Variants in CENPK observed in about 807,000 individuals in gnomAD.
The protein encoded by CENPK is centromere protein K, also known as SoxLZ/Sox6-binding protein Solt.
A neutral mutation model predicts 40.9 loss-of-function variants in CENPK; 46 were observed. That is an observed-to-expected ratio of 1.13 (90% CI 0.89 to 1.44). The LOEUF is 1.44. CENPK is among the 40% of genes most tolerant of loss of function. The pLI is 0.00. For missense variants in CENPK, 288 were observed against 303.5 expected (o/e 0.95, Z 0.38); for synonymous variants, 107 against 104.4 (o/e 1.02, Z -0.15).
At chr5:65,523,214 C>A (rs1451967044) in intron 9 of CENPK, among the ~76,000 whole-genome samples, 2 of 152,154 alleles carry the variant, frequency 1.3e-5, no homozygotes, top group African/African-American at 2.4e-5. Context: ...ACTTTCACAT[C>A]ATTTGTAAAC....
At chr5:65,499,664 TTA>T in the CENPK span, among the ~76,000 whole-genome samples, 60 of 98,032 alleles carry the variant, frequency 6.1e-4, no homozygotes, top group African/African-American at 2.5e-3. Context: ...TTTTTTTTTT[TTA>T]ATTTTTTTTT....
At chr5:65,502,113 T>G in the CENPK span, among the ~76,000 whole-genome samples, 1 of 152,130 alleles carries the variant, frequency 6.6e-6, no homozygotes, top group African/African-American at 2.4e-5. Context: ...CTTTTGGCCT[T>G]TTTGGACAGG....
At chr5:65,554,139 A>ATTATT (rs1374145484) in intron 3 of CENPK, among the ~76,000 whole-genome samples, 8 of 148,416 alleles carry the variant, frequency 5.4e-5, no homozygotes, top group Non-Finnish European at 8.9e-5. Flanking sequence ...GAAACCAGTA[A>ATTATT]TTATTTTTTT....
chr5:65,559,628 CAGAA>C (rs1581117434), intron 2 of CENPK, among the ~76,000 whole-genome samples: 3 of 55,702 alleles, frequency 5.4e-5, no homozygotes, highest in African/African-American at 8.3e-5. Flanking sequence ...GACTCCGTCT[CAGAA>C]AAAAAAAAAA....
In CENPK at chr5:65,542,811, T is replaced by C; in HGVS notation, c.279A>G (p.Gly93=). 1.2e-6 allele frequency: 2 copies of C among 1,609,534 alleles called. No individual in the cohort carries two copies. Among genetic ancestry groups the C allele is most frequent in the Non-Finnish European group, 1.7e-6 (2 of 1,178,080 alleles). ...PLTEDVLITL[G]KEEFQKLRQD... is the part of the protein sequence containing the mutation. Reference sequence around the variant, plus strand: ...TCATTGAGTGGCTTACCTCTTCTTTTCCTAATGTTATGAGAACGTCTTCAG... The same window carrying C: ...TCATTGAGTGGCTTACCTCTTCTTTCCCTAATGTTATGAGAACGTCTTCAG... Residue 93 remains glycine (G), a synonymous_variant, in exon 6 of 11, where the codon GGA becomes GGG. Coordinates refer to ENST00000396679, the MANE Select transcript of CENPK (RefSeq NM_022145.5).
intron 2 of CENPK, 141 bp downstream of exon 2, chr5:65,561,322 T>C (rs1436102899): frequency 4.1e-6 from 1 of 242,628 alleles, no homozygotes; most frequent in Non-Finnish European, 8.8e-6. Context: ...ACATTATCAA[T>C]ATGCAAAAGT....
intron 6 of CENPK, among the ~76,000 whole-genome samples, chr5:65,536,747 TATA>T (rs1309529314): frequency 6.6e-6 from 1 of 152,226 alleles, no homozygotes; most frequent in African/African-American, 2.4e-5. Flanking sequence ...TTCTGCAACT[TATA>T]ATGGTAAAAT....
At chr5:65,550,475 C>A (rs542928674) in intron 5 of CENPK, 1 of 152,292 alleles carries the variant, frequency 6.6e-6, no homozygotes, top group South Asian at 2.1e-4. Flanking sequence ...AGTCAGAATA[C>A]ACACAACATT....
chr5:65,521,297 T>C (rs548949217), intron 10 of CENPK, among the ~76,000 whole-genome samples, 178 bp downstream of exon 10: 36 of 152,202 alleles, frequency 2.4e-4, no homozygotes, highest in Non-Finnish European at 2.6e-4. Flanking sequence ...CTCTCAGTAC[T>C]GTACAGGGAA....
chr5:65,513,263 G>A (rs1441251238), downstream of CENPK, among the ~76,000 whole-genome samples: 2 of 152,108 alleles, frequency 1.3e-5, no homozygotes, highest in African/African-American at 4.8e-5. Flanking sequence ...CTCTAACTTT[G>A]TTCTTCTTAA....
intron 10 of CENPK, among the ~76,000 whole-genome samples, chr5:65,519,340 A>G (rs1312389806): frequency 6.6e-6 from 1 of 152,222 alleles, no homozygotes; most frequent in African/African-American, 2.4e-5. Flanking sequence ...CTGCTATTAT[A>G]AAAGTTTTTT....
chr5:65,545,366 ACACACACACACACACG>A (rs1748732132), intron 5 of CENPK, among the ~76,000 whole-genome samples: 2 of 115,070 alleles, frequency 1.7e-5, no homozygotes, highest in African/African-American at 5.8e-5. Flanking sequence ...ACACACACAC[ACACACACACACACACG>A]CCTTCTCTAT....
At chr5:65,514,507 C>A (rs144678539), downstream of CENPK, among the ~76,000 whole-genome samples, 1 of 152,046 alleles carries the variant, frequency 6.6e-6, no homozygotes, top group African/African-American at 2.4e-5. Context: ...CCTCGTGATC[C>A]GCCCACCTCA....
intron 5 of CENPK, among the ~76,000 whole-genome samples, chr5:65,545,552 A>G (rs1034642754): frequency 1.3e-5 from 2 of 152,224 alleles, no homozygotes; most frequent in African/African-American, 4.8e-5. Flanking sequence ...ATTCTCAGAT[A>G]AAGAAAAACT....
the CENPK span, among the ~76,000 whole-genome samples, chr5:65,504,457 C>CA: frequency 0.2 from 20,316 of 99,920 alleles, 2,454 homozygotes; most frequent in South Asian, 0.33. Context: ...AATTCCGTAT[C>CA]AAAAAAAAAA....
downstream of CENPK, chr5:65,517,762 T>A (rs1172639928): frequency 3.3e-5 from 5 of 152,078 alleles, no homozygotes; most frequent in East Asian, 9.6e-4. Context: ...ACATCACTAA[T>A]AGCTAGAGAT....
chr5:65,551,294 C>T (rs576808650), intron 5 of CENPK: 3 of 353,868 alleles, frequency 8.5e-6, no homozygotes, highest in East Asian at 6.6e-5. Context: ...CCATTTCTAG[C>T]GAGCATAAGG....
chr5:65,496,773 G>A, the CENPK span, among the ~76,000 whole-genome samples: 1 of 151,948 alleles, frequency 6.6e-6, no homozygotes, highest in Non-Finnish European at 1.5e-5. Context: ...AAATAAAAAG[G>A]CTGGGTGCGA....
intron 2 of CENPK, among the ~76,000 whole-genome samples, chr5:65,559,441 AAAAGGGTG>A (rs1452303974): frequency 6.6e-6 from 1 of 151,846 alleles, no homozygotes; most frequent in Non-Finnish European, 1.5e-5. Context: ...CATCCCGGCT[AAAAGGGTG>A]AAACCCCGTC....
Sources: gnomAD v4.1 joint callset for allele counts (sites outside exome capture counted in the v4.1 genomes callset) on GRCh38, gnomAD v4.1.1 for gene constraint, MANE v1.5 for transcripts, NCBI Gene and HGNC (gene_info 2026-07-23, HGNC 2026-07-21) for gene names.